PLAAT3: variants seen among roughly 807,000 people sequenced by gnomAD.
PLAAT3 encodes phospholipase A and acyltransferase 3.
In PLAAT3, 21 loss-of-function variants were observed where a neutral mutation model predicts 16.7. The ratio of observed to expected loss-of-function variants is 1.26; its 90% CI spans 0.89 to 1.81. The LOEUF (loss-of-function observed/expected upper bound fraction) is 1.81. Among genes scored for constraint, PLAAT3 ranks in the 40% most tolerant of loss-of-function variants. PLAAT3 has a pLI of 0.00. For missense variants in PLAAT3, 219 were observed against 213.7 expected, an observed-to-expected ratio of 1.02 and a Z score of -0.16; for synonymous variants, 76 against 81.7, an observed-to-expected ratio of 0.93 and a Z score of 0.38.
intron 2 of PLAAT3, among the ~76,000 whole-genome samples, chr11:63,607,220 C>T (rs1178428002): frequency 6.6e-6 from 1 of 152,186 alleles, no homozygotes. Flanking sequence ...CAGGCACTCA[C>T]GCTGGGCAGC....
At chr11:63,590,614 G>T (rs569373405) in intron 3 of PLAAT3, among the ~76,000 whole-genome samples, 1 of 152,338 alleles carries the variant, frequency 6.6e-6, no homozygotes, top group African/African-American at 2.4e-5. Flanking sequence ...TTACTCTAGA[G>T]AAGGTGGTCT....
rs753194885 is a variant in PLAAT3 at position 63,590,195 on chromosome 11, C to A, written c.292G>T (p.Glu98Ter). Residue 98 changes from glutamate (E) to a stop codon, truncating the protein, a stop_gained, in exon 4 of 5, where the codon GAG becomes TAG. Transcript: ENST00000415826. LOFTEE classifies it high-confidence loss of function. ...TAGAGCACCTCCTGCCCCACCAGCTCCTCCGCCCGCTGGATGATTTTGCTG... is the reference window on the plus strand; with the variant it reads ...TAGAGCACCTCCTGCCCCACCAGCTACTCCGCCCGCTGGATGATTTTGCTG... ...PCSKIIQRAE[E>*]LVGQEVLYKL... is the part of the protein sequence containing the mutation. 1 of 1,614,214 alleles carries A rather than the reference C, an allele frequency of 6.2e-7. No homozygotes were observed. The highest frequency in any genetic ancestry group is 1.1e-5 in the South Asian group (1 of 91,086).
At chr11:63,588,755 G>A (rs1028714605) in intron 4 of PLAAT3, among the ~76,000 whole-genome samples, 2 of 151,664 alleles carry the variant, frequency 1.3e-5, no homozygotes, top group Non-Finnish European at 1.5e-5. Context: ...ACTGATCGAA[G>A]AAAAAAATAA....
At chr11:63,602,295 A>T (rs1938453414) in intron 2 of PLAAT3, among the ~76,000 whole-genome samples, 1 of 152,250 alleles carries the variant, frequency 6.6e-6, no homozygotes, top group African/African-American at 2.4e-5. Context: ...CAAAAAAAAA[A>T]AAAATGATGA....
intron 2 of PLAAT3, among the ~76,000 whole-genome samples, chr11:63,604,490 C>A (rs549495616): frequency 6.6e-6 from 1 of 152,014 alleles, no homozygotes; most frequent in African/African-American, 2.4e-5. Flanking sequence ...AGGCCGGGCG[C>A]GGGGGCTCAC....
At chr11:63,579,585 A>G (rs1258120976) in intron 4 of PLAAT3, among the ~76,000 whole-genome samples, 14 of 152,022 alleles carry the variant, frequency 9.2e-5, no homozygotes, top group Non-Finnish European at 2.9e-5. Flanking sequence ...GACATGGATG[A>G]AGCTGGAAAC....
intron 3 of PLAAT3, among the ~76,000 whole-genome samples, chr11:63,595,678 T>C (rs1208754435): frequency 6.6e-6 from 1 of 152,184 alleles, no homozygotes; most frequent in Admixed American, 6.6e-5. Context: ...GATGTGGATC[T>C]GGGGCACTGT....
intron 4 of PLAAT3, among the ~76,000 whole-genome samples, chr11:63,579,868 ATAAT>A (rs1344665751): frequency 1.7e-5 from 2 of 118,152 alleles, no homozygotes; most frequent in Non-Finnish European, 3.5e-5. Context: ...AACTTAAAGT[ATAAT>A]AAAAAAAAAA....
chr11:63,591,056 G>A (rs1025367266), intron 3 of PLAAT3, among the ~76,000 whole-genome samples: 2 of 152,208 alleles, frequency 1.3e-5, no homozygotes, highest in Admixed American at 6.5e-5. Flanking sequence ...GTGTGGCGCA[G>A]GGAGAGGCAG....
intron 4 of PLAAT3, among the ~76,000 whole-genome samples, chr11:63,577,320 C>CAGCTCACT (rs1340128278): frequency 6.6e-6 from 1 of 152,006 alleles, no homozygotes; most frequent in African/African-American, 2.4e-5. Context: ...TACAGGCACC[C>CAGCTCACT]GCCACCACGC....
intron 3 of PLAAT3, among the ~76,000 whole-genome samples, chr11:63,597,662 A>T (rs1385324496): frequency 6.6e-6 from 1 of 152,202 alleles, no homozygotes; most frequent in East Asian, 1.9e-4. Flanking sequence ...AGTAGGGTTC[A>T]TGCTCCTATG....
chr11:63,603,927 G>A (rs770604712), intron 2 of PLAAT3, among the ~76,000 whole-genome samples: 1 of 152,224 alleles, frequency 6.6e-6, no homozygotes, highest in African/African-American at 2.4e-5. Context: ...CAAGGTGGGT[G>A]GATCACTTGG....
rs771168114 is a variant in PLAAT3 at position 63,574,913 on chromosome 11, A to G, written c.*32T>C. On this transcript the variant is annotated 3_prime_UTR_variant, in exon 5 of 5. Transcript: ENST00000415826. ...GCAAAACAAGACCCCCTTGATGTAT[A>G]AAGTCATCGCTGACAGGACAGTCTT... 10 of 1,319,890 alleles carry G rather than the reference A, an allele frequency of 7.6e-6. No homozygotes were observed. The allele number at this position is 1,319,890 out of a possible 1,614,324, so 81.8% of individuals were successfully genotyped here.
intron 2 of PLAAT3, among the ~76,000 whole-genome samples, chr11:63,601,912 G>A (rs1339417976): frequency 6.6e-6 from 1 of 151,952 alleles, no homozygotes; most frequent in African/African-American, 2.4e-5. Context: ...AGGAGGTGGT[G>A]GGGGTTGCAG....
chr11:63,574,491 TAC>T lies in PLAAT3; in HGVS notation c.*452_*453del, dbSNP rs2017632485. On this transcript the variant is annotated 3_prime_UTR_variant, in exon 5 of 5. Transcript: ENST00000415826. Reference sequence around the variant, plus strand: ...TTTTTTTTCAACTCAGCTGAACATCTACAGACTCCAGCTGCTGAGTCTCAGAG... The same window carrying T: ...TTTTTTTTCAACTCAGCTGAACATCTAGACTCCAGCTGCTGAGTCTCAGAG... The T allele has an allele frequency of 6.6e-6, 1 of 152,368 alleles. No homozygotes were observed. Among genetic ancestry groups the T allele is most frequent in the South Asian group, 2.1e-4 (1 of 4,734 alleles). 9.4% of individuals were successfully genotyped at this position (152,368 alleles called of 1,614,324 possible).
upstream of PLAAT3, among the ~76,000 whole-genome samples, chr11:63,615,264 G>A (rs866584345): frequency 1.4e-4 from 17 of 125,614 alleles, 3 homozygotes; most frequent in African/African-American, 4.1e-4. Flanking sequence ...GTATATATAT[G>A]TGTGTATATA....
chr11:63,613,722 C>T (rs1938751913), intron 2 of PLAAT3, among the ~76,000 whole-genome samples: 2 of 19,112 alleles, frequency 1.0e-4, no homozygotes, highest in Non-Finnish European at 0.012. Flanking sequence ...TGCGGACAGA[C>T]CTGCCCTGGC....
At chr11:63,598,230 AG>A in intron 2 of PLAAT3, 67 bp from the exon 3 acceptor site, 1 of 1,070,518 alleles carries the variant, frequency 9.3e-7, no homozygotes, top group Admixed American at 1.8e-5. Flanking sequence ...GGGCTCAGTG[AG>A]GAAGGTGCAG....
intron 2 of PLAAT3, among the ~76,000 whole-genome samples, chr11:63,604,045 G>A (rs1388040058): frequency 6.6e-6 from 1 of 152,088 alleles, no homozygotes; most frequent in African/African-American, 2.4e-5. Context: ...CCAGCCACTC[G>A]AGAAGCTGAG....
Sources: gnomAD v4.1 joint callset for allele counts (sites outside exome capture counted in the v4.1 genomes callset) on GRCh38, gnomAD v4.1.1 for gene constraint, MANE v1.5 for transcripts, NCBI Gene and HGNC (gene_info 2026-07-23, HGNC 2026-07-21) for gene names.